SERHL2: variants seen among roughly 807,000 people sequenced by gnomAD.
The protein encoded by SERHL2 is serine hydrolase like 2.
Under a neutral mutation model 25.5 loss-of-function variants are expected in SERHL2, and 29 were observed. The ratio of observed to expected loss-of-function variants is 1.14; its 90% confidence interval spans 0.85 to 1.55. The LOEUF is 1.55. SERHL2 is among the 40% of genes most tolerant of loss of function. The pLI, the probability that SERHL2 is intolerant of heterozygous loss-of-function variation, is 0.00. For missense variants in SERHL2, 240 were observed against 252.3 expected, an observed-to-expected ratio of 0.95 and a Z score of 0.33; for synonymous variants, 95 against 103.5, an observed-to-expected ratio of 0.92 and a Z score of 0.50.
Position 42,570,663 on chromosome 22 carries a change from A to C in SERHL2, c.649-458A>C, listed in dbSNP as rs528504554. Among the ~76,000 whole-genome samples the C allele has an allele frequency of 3.2e-3, 481 of 152,272 alleles. 1 individual carries two copies. The highest frequency in any genetic ancestry group is 4.7e-3 in the Non-Finnish European group (321 of 67,998). On this transcript the variant is annotated intron_variant, in intron 9 of 11. Transcript: ENST00000327678. ...CGGCAGGGGCCATCACGGAGTGCCC[A>C]TCCTGCACTGTGGTCCCAGCAAGTT...
chr22:42,554,212 G>A (rs1921949715), intron 1 of SERHL2, among the ~76,000 whole-genome samples, 170 bp downstream of exon 1: 1 of 152,098 alleles, frequency 6.6e-6, no homozygotes, highest in South Asian at 2.1e-4. Flanking sequence ...CAGGAGTTGG[G>A]GGACCCGGGA....
rs570583395 is a variant in SERHL2, at chr22:42,572,086, G to C, written c.732-350G>C. 4.0e-4 allele frequency among the ~76,000 whole-genome samples: 61 copies of C among 152,170 alleles called. 1 individual carries two copies. The South Asian group carries it at 8.5e-3, about 21-fold the overall frequency. Reference sequence around the variant, plus strand: ...AACCACAGAATTGTAGACTATCAACGGGAGGATTGTGAAGACATAAATTCT... The same window carrying C: ...AACCACAGAATTGTAGACTATCAACCGGAGGATTGTGAAGACATAAATTCT... On this transcript the variant is annotated intron_variant, in intron 10 of 11. Transcript: ENST00000327678.
At chr22:42,570,996 C>T in intron 9 of SERHL2, 125 bp from the exon 10 acceptor site, 1 of 1,399,124 alleles carries the variant, frequency 7.1e-7, no homozygotes, top group Non-Finnish European at 9.8e-7. Flanking sequence ...GTCCTGGGCT[C>T]AGACCCAGGG....
At chr22:42,571,547 T>A in intron 10 of SERHL2, 1 of 946,450 alleles carries the variant, frequency 1.1e-6, no homozygotes, top group South Asian at 3.6e-5. Flanking sequence ...TGCCTCAGCC[T>A]CCCGAGTAGC....
chr22:42,569,424 A>T (rs1422979794), intron 9 of SERHL2: 1 of 151,524 alleles, frequency 6.6e-6, no homozygotes, highest in Non-Finnish European at 1.5e-5. Flanking sequence ...ATGCCCAGCT[A>T]ATTTGTTGTA....
Position 42,572,516 on chromosome 22 carries a change from C to G in SERHL2, c.812C>G (p.Ser271Cys), listed in dbSNP as rs1479020708. The G allele has an allele frequency of 6.8e-6, 11 of 1,611,734 alleles. No individual in the cohort carries two copies. The highest frequency in any genetic ancestry group is 9.3e-6 in the Non-Finnish European group (11 of 1,178,370). ...SLSFMIDTMKSTLKEQFQFVE... is the reference protein window; with the variant it reads ...SLSFMIDTMKCTLKEQFQFVE... The stretch of plus-strand genomic sequence containing the variant: ...TCGTTCATGATAGACACGATGAAAT[C>G]CACCCTCAAAGAGGTAAGACGGGGC... Residue 271 changes from serine to cysteine, a missense_variant, in exon 11 of 12, where the codon TCC becomes TGC. Transcript: ENST00000327678.
intron 9 of SERHL2, among the ~76,000 whole-genome samples, chr22:42,568,036 A>C (rs1476173760): frequency 1.3e-5 from 2 of 151,658 alleles, no homozygotes; most frequent in Admixed American, 1.3e-4. Context: ...GGTCTATTTG[A>C]ATTGTAGAGA....
At chr22:42,572,563 A>G (rs1050199274) in intron 11 of SERHL2, 34 bp downstream of exon 11, 1 of 1,607,218 alleles carries the variant, frequency 6.2e-7, no homozygotes, top group East Asian at 2.2e-5. Context: ...GTGTCCAGCC[A>G]CTGTCGCCCA....
intron 10 of SERHL2, 179 bp downstream of exon 10, chr22:42,571,382 A>AGG (rs1924166294): frequency 9.2e-6 from 13 of 1,420,008 alleles, no homozygotes; most frequent in Non-Finnish European, 1.2e-5. Flanking sequence ...GGAAGGTCAG[A>AGG]GGAGGGGAGG....
intron 9 of SERHL2, among the ~76,000 whole-genome samples, chr22:42,567,356 T>C (rs572597579): frequency 1.2e-4 from 18 of 152,132 alleles, no homozygotes; most frequent in African/African-American, 4.3e-4. Flanking sequence ...TTTTTTTCTT[T>C]TTTGTGTTTT....
At position 42,563,026 on chromosome 22, in the gene SERHL2, A is replaced by C. The variant is rs923161284; in HGVS notation, c.613+2761A>C. ...CTGGGCAATATAGGGAGACACCCCC[A>C]TCTCTACAAAAAATTCAAAAATAAA... On this transcript the variant is annotated intron_variant, in intron 8 of 11. Coordinates refer to ENST00000327678, the MANE Select transcript of SERHL2 (RefSeq NM_014509.5). Among the ~76,000 whole-genome samples, 7 of 151,746 alleles carry C rather than the reference A, an allele frequency of 4.6e-5. 1 individual carries two copies. The highest frequency in any genetic ancestry group is 8.8e-5 in the Non-Finnish European group (6 of 67,894).
At chr22:42,569,722 C>T (rs915898127) in intron 9 of SERHL2, 7 of 151,690 alleles carry the variant, frequency 4.6e-5, no homozygotes, top group African/African-American at 1.7e-4. Flanking sequence ...GTATGGGAAC[C>T]CCTGTTTCAG....
At chr22:42,564,074 GAAAA>G (rs917644801) in intron 8 of SERHL2, among the ~76,000 whole-genome samples, 1 of 146,212 alleles carries the variant, frequency 6.8e-6, no homozygotes, top group Admixed American at 6.8e-5. Flanking sequence ...CTTCGTCTCA[GAAAA>G]AAAAAAGACA....
Position 42,560,181 on chromosome 22 carries a change from C to A in SERHL2, c.534-5C>A. The stretch of plus-strand genomic sequence containing the variant: ...GGCACCCAGCATCCTTCTGTCTCCC[C>A]CCAGGTTACTGAAGAGCAATAGCCA... On this transcript the variant is annotated splice_polypyrimidine_tract_variant and splice_region_variant and intron_variant, in intron 7 of 11. Coordinates refer to ENST00000327678, the MANE Select transcript of SERHL2 (RefSeq NM_014509.5). 1 of 1,609,764 alleles carries A rather than the reference C, an allele frequency of 6.2e-7. No individual in the cohort carries two copies. The highest frequency in any genetic ancestry group is 8.5e-7 in the Non-Finnish European group (1 of 1,176,334).
intron 8 of SERHL2, among the ~76,000 whole-genome samples, chr22:42,560,890 T>C (rs531619107): frequency 1.2e-4 from 18 of 151,952 alleles, no homozygotes; most frequent in African/African-American, 4.3e-4. Flanking sequence ...TGTGAGCTAC[T>C]GTGCCTGGCC....
At chr22:42,560,135 C>T (rs780410183) in intron 7 of SERHL2, 51 bp from the exon 8 acceptor site, 82 of 1,408,556 alleles carry the variant, frequency 5.8e-5, no homozygotes, top group Admixed American at 1.8e-4. Flanking sequence ...TTTTATCTGA[C>T]CTCCTTTTTA....
intron 6 of SERHL2, among the ~76,000 whole-genome samples, chr22:42,557,557 CAAAAA>C (rs3046378): frequency 6.6e-3 from 299 of 45,494 alleles, no homozygotes; most frequent in East Asian, 0.021. Context: ...CTCCGTCTCC[CAAAAA>C]AAAAAAAAAA....
intron 9 of SERHL2, among the ~76,000 whole-genome samples, chr22:42,570,713 C>G (rs988506451): frequency 6.6e-6 from 1 of 152,126 alleles, no homozygotes; most frequent in Non-Finnish European, 1.5e-5. Flanking sequence ...AGAAGCCTGT[C>G]CCAGGCTGGC....
At chr22:42,568,835 A>T (rs1015039126) in intron 9 of SERHL2, among the ~76,000 whole-genome samples, 1 of 151,764 alleles carries the variant, frequency 6.6e-6, no homozygotes, top group Non-Finnish European at 1.5e-5. Flanking sequence ...GTGTGGTGGC[A>T]CACACCTGTA....
Sources: gnomAD v4.1 joint callset for allele counts (sites outside exome capture counted in the v4.1 genomes callset) on GRCh38, gnomAD v4.1.1 for gene constraint, MANE v1.5 for transcripts, NCBI Gene and HGNC (gene_info 2026-07-23, HGNC 2026-07-21) for gene names.